SNAPC3: variants seen among roughly 807,000 people sequenced by gnomAD.
SNAPC3 encodes small nuclear RNA activating complex polypeptide 3.
A neutral mutation model predicts 47.7 loss-of-function variants in SNAPC3; 56 were observed. That is an observed-to-expected ratio of 1.18 (90% CI 0.95 to 1.47). The LOEUF is 1.47. SNAPC3 is among the 40% of genes most tolerant of loss of function. SNAPC3 has a pLI of 0.00. For synonymous variants in SNAPC3, 235 were observed against 189.9 expected (o/e 1.24, Z -1.95); for missense variants, 665 against 511.3 (o/e 1.30, Z -2.90).
intron 1 of SNAPC3, 63 bp downstream of exon 1, chr9:15,423,256 C>A: frequency 2.1e-6 from 3 of 1,453,498 alleles, no homozygotes; most frequent in African/African-American, 1.5e-5. Context: ...CTTGCTCGTG[C>A]GCTCCTCTGG....
At chr9:15,437,553 G>GT (rs1473004799) in intron 3 of SNAPC3, among the ~76,000 whole-genome samples, 2 of 149,764 alleles carry the variant, frequency 1.3e-5, no homozygotes, top group Non-Finnish European at 3.0e-5. Context: ...TTTCTTTAGT[G>GT]TTTTTATCAT....
chr9:15,466,621 A>T, downstream of SNAPC3: 1 of 654,962 alleles, frequency 1.5e-6, no homozygotes, highest in Non-Finnish European at 2.4e-6. Flanking sequence ...TAACTTGCTT[A>T]CTGAATTCAG....
At chr9:15,466,682 A>G, downstream of SNAPC3, 1 of 1,280,782 alleles carries the variant, frequency 7.8e-7, no homozygotes, top group African/African-American at 1.5e-5. Context: ...TAACCTTGGA[A>G]CAGAACTGTG....
At chr9:15,465,178 A>C (rs889837093), downstream of SNAPC3, 14 of 249,774 alleles carry the variant, frequency 5.6e-5, no homozygotes, top group Non-Finnish European at 9.3e-5. Flanking sequence ...GGCAAGGTTT[A>C]TACAAGTAGC....
chr9:15,451,303 A>G lies in SNAPC3; in HGVS notation c.733-17A>G, dbSNP rs776056293. On this transcript the variant is annotated splice_polypyrimidine_tract_variant and intron_variant, in intron 5 of 8. Transcript: ENST00000380821. ...TTAATAGTTGATTTTCTCTCAATAC[A>G]ATCTGTTTTCTTGTAGGACCTATAC... 1.9e-6 allele frequency: 2 copies of G among 1,063,498 alleles called. No homozygotes were observed. The highest frequency in any genetic ancestry group is 1.7e-5 in the South Asian group (1 of 58,050). 65.9% of individuals were successfully genotyped at this position (1,063,498 alleles called of 1,614,324 possible). A position where few individuals can be genotyped will look rare whatever the true frequency, so the allele number is the denominator to read the frequency against.
At chr9:15,435,844 C>CTTTT (rs57744583) in intron 3 of SNAPC3, among the ~76,000 whole-genome samples, 1,448 of 123,786 alleles carry the variant, frequency 0.012, 45 homozygotes, top group East Asian at 0.015. Flanking sequence ...ACTTTTCTTT[C>CTTTT]TTTTTTTTTT....
intron 4 of SNAPC3, among the ~76,000 whole-genome samples, chr9:15,445,351 TG>T (rs2033844879): frequency 6.6e-6 from 1 of 152,224 alleles, no homozygotes; most frequent in African/African-American, 2.4e-5. Context: ...AGGTGGCTAA[TG>T]GAGGAATTAG....
At chr9:15,465,796 T>C (rs573857318), downstream of SNAPC3, 3 of 470,104 alleles carry the variant, frequency 6.4e-6, no homozygotes, top group Non-Finnish European at 1.1e-5. Flanking sequence ...CAAAGTAATA[T>C]GCAGATGAAG....
chr9:15,427,639 G>C (rs780131649), intron 2 of SNAPC3, among the ~76,000 whole-genome samples: 27 of 152,276 alleles, frequency 1.8e-4, no homozygotes, highest in Non-Finnish European at 3.1e-4. Context: ...GAGCCACGAC[G>C]CCCAGCCCTT....
rs200501679 is a variant in SNAPC3, at chr9:15,423,096, G to A, written c.217G>A (p.Gly73Arg). 6.5e-7 allele frequency: 1 copy of A among 1,542,518 alleles called. No homozygotes were observed. The highest frequency in any genetic ancestry group is 1.4e-5 in the African/African-American group (1 of 69,742). The change falls in exon 1 of 9, where the codon GGG becomes AGG. Residue 73 changes from glycine to arginine, a missense_variant. Physicochemically the swap from Gly to Arg is moderately radical, Grantham distance 125. Transcript: ENST00000380821. ...LREPPASALP[G>R]SQAADSDRED... The stretch of plus-strand genomic sequence containing the variant: ...GGAGCCGCCGGCATCCGCTCTGCCT[G>A]GGAGCCAGGCAGCTGACTCCGACCG...
At chr9:15,445,009 C>G (rs1336010445) in intron 4 of SNAPC3, among the ~76,000 whole-genome samples, 3 of 152,176 alleles carry the variant, frequency 2.0e-5, no homozygotes, top group African/African-American at 7.2e-5. Context: ...GGGGAGATCA[C>G]TTGAGCCTAG....
intron 3 of SNAPC3, 72 bp downstream of exon 3, chr9:15,433,708 A>G (rs1563841812): frequency 1.1e-6 from 1 of 931,762 alleles, no homozygotes; most frequent in South Asian, 1.4e-5. Flanking sequence ...AGGGTTAGTA[A>G]TGACAGTATG....
downstream of SNAPC3, chr9:15,465,440 T>C: frequency 7.8e-7 from 1 of 1,278,022 alleles, no homozygotes; most frequent in South Asian, 1.3e-5. Context: ...CTTATAAAAA[T>C]TTAAAACTTT....
At chr9:15,424,909 T>C (rs745666262) in intron 2 of SNAPC3, among the ~76,000 whole-genome samples, 7 of 152,232 alleles carry the variant, frequency 4.6e-5, no homozygotes, top group Non-Finnish European at 1.0e-4. Flanking sequence ...TCCCTACTGC[T>C]GACTTTTACA....
At chr9:15,433,459 A>G in intron 2 of SNAPC3, 93 bp from the exon 3 acceptor site, 1 of 827,032 alleles carries the variant, frequency 1.2e-6, no homozygotes, top group East Asian at 2.4e-5. Flanking sequence ...AAATTAGTTC[A>G]AAATAAAAAA....
intron 8 of SNAPC3, among the ~76,000 whole-genome samples, chr9:15,459,439 T>G (rs1563856477): frequency 2.0e-5 from 3 of 152,190 alleles, no homozygotes; most frequent in Non-Finnish European, 4.4e-5. Flanking sequence ...AAATGTGTGA[T>G]GCTTTCAAAT....
intron 5 of SNAPC3, among the ~76,000 whole-genome samples, chr9:15,447,513 T>C (rs1384230345): frequency 5.7e-5 from 4 of 70,178 alleles, no homozygotes; most frequent in African/African-American, 1.2e-4. Flanking sequence ...TAATTTTCTT[T>C]TTTGTTTTTT....
intron 2 of SNAPC3, among the ~76,000 whole-genome samples, chr9:15,427,122 A>G (rs2031509216): frequency 6.6e-6 from 1 of 152,230 alleles, no homozygotes; most frequent in Non-Finnish European, 1.5e-5. Context: ...AGCTCGTTTT[A>G]TGCATATAAG....
chr9:15,442,340 G>T (rs1394427373), intron 3 of SNAPC3, among the ~76,000 whole-genome samples: 4 of 151,620 alleles, frequency 2.6e-5, no homozygotes, highest in Non-Finnish European at 5.9e-5. Flanking sequence ...TGGACGGGGC[G>T]GCTGCCGGGC....
Sources: gnomAD v4.1 joint callset for allele counts (sites outside exome capture counted in the v4.1 genomes callset) on GRCh38, gnomAD v4.1.1 for gene constraint, MANE v1.5 for transcripts, NCBI Gene and HGNC (gene_info 2026-07-23, HGNC 2026-07-21) for gene names.